The following FLVCR2 variants were observed in gnomAD, a reference collection of about 807,000 sequenced individuals.
FLVCR2 encodes FLVCR choline and putative heme transporter 2, also known as choline/ethanolamine transporter FLVCR2.
FLVCR2 carries 38 observed loss-of-function variants against 48.9 expected under a neutral mutation model. That is an observed-to-expected ratio of 0.78 (90% CI 0.60 to 1.02). FLVCR2 has a LOEUF of 1.02. Among genes scored for constraint, FLVCR2 ranks in the 50% least tolerant of loss-of-function variants. The pLI is 0.00. For missense variants in FLVCR2, 664 were observed against 663.3 expected (o/e 1.00, Z -0.01); for synonymous variants, 255 against 257.0 (o/e 0.99, Z 0.07).
chr14:75,579,189 G>C lies in FLVCR2; in HGVS notation c.217G>C (p.Glu73Gln). The change falls in exon 1 of 10, where the codon GAG becomes CAG. Residue 73 changes from glutamate (E) to glutamine (Q), a missense_variant. Glu to Gln is a conservative substitution (Grantham distance 29). Coordinates refer to ENST00000238667, the MANE Select transcript of FLVCR2 (RefSeq NM_017791.3). Reference protein sequence around the residue: ...GLAHPSSSGPEDLSVIKVSRR... With the variant: ...GLAHPSSSGPQDLSVIKVSRR... ...GGCTCACCCCAGTAGCTCGGGCCCT[G>C]AGGACCTCAGCGTGATCAAGGTGAG... 1.9e-6 allele frequency: 3 copies of C among 1,614,152 alleles called. No individual in the cohort carries two copies. The East Asian group carries it at 6.7e-5, about 36-fold the overall frequency.
intron 9 of FLVCR2, among the ~76,000 whole-genome samples, chr14:75,642,350 TAGGC>T (rs1204688194): frequency 6.6e-6 from 1 of 152,150 alleles, no homozygotes; most frequent in Non-Finnish European, 1.5e-5. Flanking sequence ...GACAACTCCT[TAGGC>T]AGGGCCATGG....
At chr14:75,594,956 G>A (rs1888981862) in intron 1 of FLVCR2, among the ~76,000 whole-genome samples, 1 of 152,062 alleles carries the variant, frequency 6.6e-6, no homozygotes, top group Non-Finnish European at 1.5e-5. Context: ...GGGCTCAAGA[G>A]TTCCTCCCGC....
At chr14:75,619,684 T>A (rs953522358) in intron 1 of FLVCR2, among the ~76,000 whole-genome samples, 2 of 152,238 alleles carry the variant, frequency 1.3e-5, no homozygotes, top group Non-Finnish European at 2.9e-5. Context: ...TAAATGTACC[T>A]CCATAGCCAA....
chr14:75,633,549 C>G (rs1890095637), intron 3 of FLVCR2, 80 bp from the exon 4 acceptor site: 6 of 1,144,598 alleles, frequency 5.2e-6, no homozygotes, highest in African/African-American at 1.5e-5. Flanking sequence ...CTGCCCACCC[C>G]CCAAATGCTG....
At chr14:75,645,036 GTGTGTGTGTGTGTGTGTGTGT>G (rs1418346178) in intron 9 of FLVCR2, among the ~76,000 whole-genome samples, 2,938 of 146,806 alleles carry the variant, frequency 0.02, 57 homozygotes, top group South Asian at 0.036. Context: ...CGGGCGTGGT[GTGTGTGTGTGTGTGTGTGTGT>G]GTGTGTGTGT....
At position 75,622,186 on chromosome 14, in the gene FLVCR2, T is replaced by C. The variant is rs746804283; in HGVS notation, c.777T>C (p.Gly259=). The change falls in exon 2 of 10, where the codon GGT becomes GGC. Residue 259 remains glycine, a synonymous_variant. Transcript: ENST00000238667. The part of the protein sequence containing the change: ...HISIMFYIIG[G]VATLLLILVI... ...GCATCATGTTCTATATAATAGGAGG[T>C]GTGGCCACTCTCCTCCTCATCCTTG... 1.2e-6 allele frequency: 2 copies of C among 1,613,270 alleles called. No homozygotes were observed. Among genetic ancestry groups the C allele is most frequent in the Non-Finnish European group, 1.7e-6 (2 of 1,179,438 alleles).
intron 1 of FLVCR2, among the ~76,000 whole-genome samples, chr14:75,594,557 A>G (rs923926118): frequency 6.6e-6 from 1 of 152,154 alleles, no homozygotes; most frequent in Non-Finnish European, 1.5e-5. Flanking sequence ...AGGCTGGGAA[A>G]CCCATGATTG....
rs117123022 is a variant in FLVCR2 at position 75,592,269 on chromosome 14, G to A, written c.669+12628G>A. 9.8e-3 allele frequency among the ~76,000 whole-genome samples: 1,492 copies of A among 152,092 alleles called. 15 individuals carry two copies. The highest frequency in any genetic ancestry group is 0.016 in the Non-Finnish European group (1,069 of 67,974). On this transcript the variant is annotated intron_variant, in intron 1 of 9. Coordinates refer to ENST00000238667, the MANE Select transcript of FLVCR2 (RefSeq NM_017791.3). ...AGACCCACAGCTTGCACTCTCCAGA[G>A]CAGTGGCCCAAGCTGTACCTGGGGC...
intron 1 of FLVCR2, among the ~76,000 whole-genome samples, chr14:75,617,538 T>G (rs1889647276): frequency 6.6e-6 from 1 of 152,224 alleles, no homozygotes; most frequent in Admixed American, 6.5e-5. Context: ...ATACTGTATG[T>G]TGAAAACTCT....
At chr14:75,595,758 C>T in intron 1 of FLVCR2, 1 of 677,396 alleles carries the variant, frequency 1.5e-6, no homozygotes, top group East Asian at 2.6e-5. Flanking sequence ...TATTAATATT[C>T]TTGTGAAAAA....
At chr14:75,596,463 T>G (rs1009203) in intron 1 of FLVCR2, among the ~76,000 whole-genome samples, 65,506 of 151,870 alleles carry the variant, frequency 0.43, 19,738 homozygotes, top group African/African-American at 0.83. Flanking sequence ...TTGAGAGTTT[T>G]CATCCTATCT....
At chr14:75,612,988 G>A (rs1889498696) in intron 1 of FLVCR2, among the ~76,000 whole-genome samples, 1 of 152,198 alleles carries the variant, frequency 6.6e-6, no homozygotes, top group Non-Finnish European at 1.5e-5. Context: ...AGTATTTATA[G>A]CAACAGAATT....
intron 1 of FLVCR2, among the ~76,000 whole-genome samples, chr14:75,592,512 T>C (rs1027516677): frequency 6.6e-6 from 1 of 152,240 alleles, no homozygotes; most frequent in African/African-American, 2.4e-5. Flanking sequence ...AAAGGTCCCT[T>C]GGCTGCACCC....
intron 3 of FLVCR2, among the ~76,000 whole-genome samples, chr14:75,631,023 T>TA (rs763093335): frequency 4.6e-5 from 7 of 152,326 alleles, no homozygotes; most frequent in East Asian, 1.9e-4. Flanking sequence ...AGAGTGGACT[T>TA]ACGCTGGTTA....
chr14:75,579,107 C>G lies in FLVCR2; in HGVS notation c.135C>G (p.Val45=), dbSNP rs376955487. 1 of 1,614,064 alleles carries G rather than the reference C, an allele frequency of 6.2e-7. No homozygotes were observed. The highest frequency in any genetic ancestry group is 2.2e-5 in the East Asian group (1 of 44,862). ...CCAGCGTCTCCATCAACCCCAGCGT[C>G]TCTGTCCACCCCAGCAGTTCGGCCC... The part of the protein sequence containing the change: ...VHPSVSINPS[V]SVHPSSSAHP... The change falls in exon 1 of 10, where the codon GTC becomes GTG. Residue 45 remains valine, a synonymous_variant. Coordinates refer to ENST00000238667, the MANE Select transcript of FLVCR2 (RefSeq NM_017791.3).
intron 1 of FLVCR2, among the ~76,000 whole-genome samples, chr14:75,581,825 GAGAAGTGATTTCCTTT>G (rs1294593677): frequency 2.0e-5 from 3 of 152,232 alleles, no homozygotes; most frequent in Non-Finnish European, 4.4e-5. Flanking sequence ...ATGGAACACT[GAGAAGTGATTTCCTTT>G]AGGATAGATT....
chr14:75,611,430 T>A (rs1889444348), intron 1 of FLVCR2, among the ~76,000 whole-genome samples: 1 of 152,110 alleles, frequency 6.6e-6, no homozygotes, highest in Non-Finnish European at 1.5e-5. Context: ...AGAGGCTTTC[T>A]CATCTGTAAA....
intron 1 of FLVCR2, chr14:75,605,575 G>A (rs1259685345): frequency 1.2e-5 from 18 of 1,535,954 alleles, no homozygotes; most frequent in Non-Finnish European, 1.5e-5. Context: ...CCCAGCATGA[G>A]CGCAGATAAC....
intron 9 of FLVCR2, among the ~76,000 whole-genome samples, chr14:75,642,879 T>A (rs1319491429): frequency 2.0e-5 from 3 of 152,230 alleles, no homozygotes. Context: ...TTTTTTTTTA[T>A]GAGACACAGT....
Sources: gnomAD v4.1 joint callset for allele counts (sites outside exome capture counted in the v4.1 genomes callset) on GRCh38, gnomAD v4.1.1 for gene constraint, MANE v1.5 for transcripts, NCBI Gene and HGNC (gene_info 2026-07-23, HGNC 2026-07-21) for gene names.